The following FOXP2 variants were observed in gnomAD, a reference collection of about 807,000 sequenced individuals.
FOXP2 encodes forkhead box P2.
Under a neutral mutation model 115.8 loss-of-function variants are expected in FOXP2, and 12 were observed. The observed-to-expected ratio is 0.10, with a 90% CI of 0.07 to 0.17. The LOEUF (loss-of-function observed/expected upper bound fraction) is 0.17. FOXP2 is among the 10% of genes least tolerant of loss of function. The pLI, the probability that FOXP2 is intolerant of heterozygous loss-of-function variation, is 1.00. For missense variants in FOXP2, 629 were observed against 843.5 expected (o/e 0.75, Z 3.15); for synonymous variants, 328 against 297.7 (o/e 1.10, Z -1.05).
intron 2 of FOXP2, among the ~76,000 whole-genome samples, chr7:114,350,867 C>A (rs1236316476): frequency 1.3e-5 from 2 of 152,106 alleles, no homozygotes; most frequent in African/African-American, 2.4e-5. Flanking sequence ...CCTGCAAATA[C>A]CAAAATCCAG....
At chr7:114,630,298 G>T (rs1029429995) in intron 5 of FOXP2, among the ~76,000 whole-genome samples, 2 of 152,090 alleles carry the variant, frequency 1.3e-5, no homozygotes, top group African/African-American at 4.8e-5. Context: ...TATTCATGGA[G>T]AATCTAAGTT....
At chr7:114,321,729 C>T (rs1294956149) in intron 2 of FOXP2, among the ~76,000 whole-genome samples, 4 of 152,136 alleles carry the variant, frequency 2.6e-5, no homozygotes, top group African/African-American at 7.2e-5. Flanking sequence ...GGTAGAGTCT[C>T]CATGACATGT....
intron 3 of FOXP2, among the ~76,000 whole-genome samples, chr7:114,539,029 A>G (rs1229860428): frequency 6.6e-6 from 1 of 151,902 alleles, no homozygotes; most frequent in Non-Finnish European, 1.5e-5. Flanking sequence ...AATAATCTAC[A>G]TTGAAATGTT....
rs760517901 is a variant in FOXP2 at position 114,415,121 on chromosome 7, A to G, written c.-250A>G. Reference sequence around the variant, plus strand: ...CAGAGCTGCTTGATTTGTTTTAATTACCAGCACAAAATGCCATCAGTCTGG... The same window carrying G: ...CAGAGCTGCTTGATTTGTTTTAATTGCCAGCACAAAATGCCATCAGTCTGG... On this transcript the variant is annotated 5_prime_UTR_variant, in exon 1 of 17. Transcript: ENST00000350908. 6.6e-6 allele frequency: 3 copies of G among 454,168 alleles called. No individual in the cohort carries two copies. The highest frequency in any genetic ancestry group is 4.7e-5 in the South Asian group (3 of 64,470). The allele number at this position is 454,168 out of a possible 1,614,324, so 28.1% of individuals were successfully genotyped here. A position where few individuals can be genotyped will look rare whatever the true frequency, so the allele number is the denominator to read the frequency against.
At chr7:114,357,054 A>G (rs1791634178) in intron 2 of FOXP2, among the ~76,000 whole-genome samples, 1 of 152,156 alleles carries the variant, frequency 6.6e-6, no homozygotes, top group Non-Finnish European at 1.5e-5. Flanking sequence ...AGATATGGTT[A>G]TACTCTCCAG....
chr7:114,251,932 A>T (rs933660343), intron 1 of FOXP2, among the ~76,000 whole-genome samples: 2 of 152,200 alleles, frequency 1.3e-5, no homozygotes, highest in Non-Finnish European at 2.9e-5. Context: ...TGGGTTTGTC[A>T]TAAATAGCTT....
At position 114,456,659 on chromosome 7, in the gene FOXP2, A is replaced by G. The variant is rs183496410; in HGVS notation, c.168+29980A>G. On this transcript the variant is annotated intron_variant, in intron 2 of 16. Transcript: ENST00000350908. The stretch of plus-strand genomic sequence containing the variant: ...ATGATCTTCCATATCATTGTGATTG[A>G]TTTTTAAGGAAATTAGCATGTGGAA... Among the ~76,000 whole-genome samples, 266 of 152,302 alleles carry G rather than the reference A, an allele frequency of 1.7e-3. 2 individuals carry two copies. The highest frequency in any genetic ancestry group is 6.1e-3 in the African/African-American group (255 of 41,566).
intron 3 of FOXP2, among the ~76,000 whole-genome samples, chr7:114,593,110 A>T (rs1005259064): frequency 5.9e-5 from 9 of 152,038 alleles, no homozygotes; most frequent in East Asian, 1.9e-4. Flanking sequence ...GTTGTTTTTT[A>T]AAAAAAGAAG....
chr7:114,443,633 C>T (rs762597236), intron 2 of FOXP2, among the ~76,000 whole-genome samples: 3 of 152,128 alleles, frequency 2.0e-5, no homozygotes, highest in Non-Finnish European at 4.4e-5. Flanking sequence ...TCCATATGTA[C>T]TCAGTGTTTA....
At chr7:114,629,594 T>A in intron 4 of FOXP2, 1 of 1,548,650 alleles carries the variant, frequency 6.5e-7, no homozygotes, top group South Asian at 1.2e-5. Context: ...TTGTTTAGGA[T>A]TTTTTGGATT....
At chr7:114,636,050 CT>C (rs1563050094) in intron 6 of FOXP2, among the ~76,000 whole-genome samples, 3 of 152,126 alleles carry the variant, frequency 2.0e-5, no homozygotes. Flanking sequence ...TAATTCACCT[CT>C]CATTAGACAA....
chr7:114,501,997 G>T (rs142905740), intron 2 of FOXP2, among the ~76,000 whole-genome samples: 3 of 151,978 alleles, frequency 2.0e-5, no homozygotes, highest in Non-Finnish European at 4.4e-5. Context: ...ATCTAATTGT[G>T]TCTAGAAATA....
chr7:114,624,978 C>G (rs1007233017), intron 3 of FOXP2, among the ~76,000 whole-genome samples: 10 of 151,326 alleles, frequency 6.6e-5, no homozygotes, highest in Middle Eastern at 3.2e-3. Context: ...AATTTTCCCT[C>G]TCTCATTTTA....
At chr7:114,539,735 C>G (rs1045939498) in intron 3 of FOXP2, among the ~76,000 whole-genome samples, 1 of 151,972 alleles carries the variant, frequency 6.6e-6, no homozygotes, top group Non-Finnish European at 1.5e-5. Flanking sequence ...CTATCCATGA[C>G]CAGCTGCTCA....
rs371353225 is a variant in FOXP2, at chr7:114,414,894, A to T, written c.-477A>T. On this transcript the variant is annotated 5_prime_UTR_variant, in exon 1 of 17. Transcript: ENST00000350908. ...CTCTCTCTCTGTCTTTCTCTCTCTC[A>T]CACACACACTCACACACTCACACAC... 3.1e-5 allele frequency: 11 copies of T among 349,560 alleles called. No homozygotes were observed. Among genetic ancestry groups the T allele is most frequent in the African/African-American group, 6.5e-5 (3 of 46,390 alleles). 21.7% of individuals were successfully genotyped at this position (349,560 alleles called of 1,614,324 possible).
chr7:114,139,125 T>G (rs1298081381), intron 1 of FOXP2, among the ~76,000 whole-genome samples: 3 of 152,194 alleles, frequency 2.0e-5, no homozygotes, highest in Non-Finnish European at 2.9e-5. Context: ...ATGCAGAGCA[T>G]ACTATAGACC....
chr7:114,505,021 C>T (rs1219913999), intron 2 of FOXP2, among the ~76,000 whole-genome samples: 1 of 151,598 alleles, frequency 6.6e-6, no homozygotes, highest in African/African-American at 2.4e-5. Flanking sequence ...GGTTACTTAT[C>T]CATTCAAATC....
At chr7:114,605,374 A>G (rs757115734) in intron 3 of FOXP2, among the ~76,000 whole-genome samples, 1 of 152,204 alleles carries the variant, frequency 6.6e-6, no homozygotes, top group African/African-American at 2.4e-5. Context: ...GTTAACCCTA[A>G]TAACCTCAAG....
At chr7:114,640,781 T>C (rs1283584333) in intron 6 of FOXP2, among the ~76,000 whole-genome samples, 1 of 152,162 alleles carries the variant, frequency 6.6e-6, no homozygotes, top group Non-Finnish European at 1.5e-5. Context: ...ATATTAGATG[T>C]TATAGATGCA....
Sources: gnomAD v4.1 joint callset for allele counts (sites outside exome capture counted in the v4.1 genomes callset) on GRCh38, gnomAD v4.1.1 for gene constraint, MANE v1.5 for transcripts, NCBI Gene and HGNC (gene_info 2026-07-23, HGNC 2026-07-21) for gene names.